Variants in SLC26A2 observed in about 807,000 individuals in gnomAD.
The protein encoded by SLC26A2 is solute carrier family 26 member 2.
SLC26A2 carries 36 observed loss-of-function variants against 41.1 expected under a neutral mutation model. The observed-to-expected ratio is 0.88, with a 90% CI of 0.67 to 1.16. The LOEUF is 1.16. Ranked by LOEUF, SLC26A2 falls within the 50% of genes most tolerant of loss-of-function variation. The pLI is 0.00. For synonymous variants in SLC26A2, 291 were observed against 311.6 expected (o/e 0.93, Z 0.70); for missense variants, 796 against 869.6 (o/e 0.92, Z 1.07).
At chr5:149,977,489 A>G (rs1561818836) in intron 1 of SLC26A2, 139 bp from the exon 2 acceptor site, 1 of 655,128 alleles carries the variant, frequency 1.5e-6, no homozygotes, top group South Asian at 1.8e-5. Context: ...ATGAGGCTCA[A>G]TTAAGGAAAA....
chr5:149,972,333 T>C (rs1158622130), intron 1 of SLC26A2, among the ~76,000 whole-genome samples: 2 of 152,180 alleles, frequency 1.3e-5, no homozygotes, highest in African/African-American at 4.8e-5. Context: ...TGTTTCTGAG[T>C]GAATACATAA....
At position 149,978,143 on chromosome 5, in the gene SLC26A2, T is replaced by C; in HGVS notation, c.491T>C (p.Ile164Thr). 3.7e-6 allele frequency: 6 copies of C among 1,607,304 alleles called. No homozygotes were observed. The highest frequency in any genetic ancestry group is 5.1e-6 in the Non-Finnish European group (6 of 1,175,670). ...ACCTCCCGTCACATCTCTGTGGGCA[T>C]TTTTGGAGTACTGTGCCTTATGATT... ...LGTSRHISVGIFGVLCLMIGE... is the reference protein window; with the variant it reads ...LGTSRHISVGTFGVLCLMIGE... The change falls in exon 2 of 3, where the codon ATT (isoleucine) becomes ACT (threonine). Residue 164 changes from isoleucine to threonine, a missense_variant. Ile to Thr is a moderately conservative substitution (Grantham distance 89). Transcript: ENST00000286298.
intron 1 of SLC26A2, among the ~76,000 whole-genome samples, chr5:149,977,200 A>T (rs2113695072): frequency 1.3e-5 from 2 of 152,360 alleles, no homozygotes; most frequent in South Asian, 4.1e-4. Flanking sequence ...GGCAGGCATT[A>T]AGGTTAAGGT....
chr5:149,964,902 T>G (rs1033685267), intron 1 of SLC26A2, among the ~76,000 whole-genome samples: 2 of 150,300 alleles, frequency 1.3e-5, no homozygotes, highest in African/African-American at 4.8e-5. Context: ...AAATAAAAAT[T>G]TTTTTTAAAT....
chr5:149,962,493 C>T (rs1346061755), intron 1 of SLC26A2, among the ~76,000 whole-genome samples: 2 of 152,032 alleles, frequency 1.3e-5, no homozygotes, highest in African/African-American at 4.8e-5. Flanking sequence ...TGCACGCTGC[C>T]ATACCTGGCT....
chr5:149,970,944 A>C (rs1283725135), intron 1 of SLC26A2, among the ~76,000 whole-genome samples: 1 of 152,194 alleles, frequency 6.6e-6, no homozygotes, highest in Non-Finnish European at 1.5e-5. Flanking sequence ...TTATAGTAGG[A>C]GCTTAAAATA....
In SLC26A2 at chr5:149,981,550, T is replaced by C; in HGVS notation, c.1957T>C (p.Cys653Arg). ...PLELHTIVID[C>R]SAIQFLDTAG... ...GGAGCTGCATACTATAGTGATTGAC[T>C]GCAGTGCAATTCAATTTTTAGATAC... is the stretch of plus-strand genomic sequence containing the variant. The change falls in exon 3 of 3, where the codon TGC (cysteine) becomes CGC (arginine). Residue 653 changes from cysteine to arginine, a missense_variant. Physicochemically the swap from Cys to Arg is radical, Grantham distance 180. Transcript: ENST00000286298. 6.2e-7 allele frequency: 1 copy of C among 1,614,124 alleles called. No homozygotes were observed. Among genetic ancestry groups the C allele is most frequent in the Non-Finnish European group, 8.5e-7 (1 of 1,180,002 alleles).
intron 1 of SLC26A2, among the ~76,000 whole-genome samples, chr5:149,965,633 C>T (rs1471202958): frequency 6.6e-6 from 1 of 150,680 alleles, no homozygotes; most frequent in Non-Finnish European, 1.5e-5. Context: ...GAGATTTTTC[C>T]ATATAAGAGA....
At chr5:149,976,848 C>T (rs1192228450) in intron 1 of SLC26A2, among the ~76,000 whole-genome samples, 2 of 152,186 alleles carry the variant, frequency 1.3e-5, no homozygotes, top group Admixed American at 6.5e-5. Flanking sequence ...GTGAATCTTG[C>T]ATGAATGTAG....
In SLC26A2 at chr5:149,980,532, G is replaced by A; in HGVS notation, c.939G>A (p.Leu313=). The A allele has an allele frequency of 6.2e-7, 1 of 1,614,040 alleles. No homozygotes were observed. The highest frequency in any genetic ancestry group is 8.5e-7 in the Non-Finnish European group (1 of 1,179,982). ...TTATCACCAGCCTTTTGTGCCTTTT[G>A]GTTCTTTTGCCAACCAAAGAACTCA... ...CDLITSLLCL[L]VLLPTKELNE... The change falls in exon 3 of 3, where the codon TTG becomes TTA. Residue 313 remains leucine (L), a synonymous_variant. Coordinates refer to ENST00000286298, the MANE Select transcript of SLC26A2 (RefSeq NM_000112.4).
chr5:149,978,329 C>T lies in SLC26A2; in HGVS notation c.677C>T (p.Thr226Ile). The change falls in exon 2 of 3, where the codon ACC becomes ATC. Residue 226 changes from threonine (T) to isoleucine (I), a missense_variant. Thr to Ile is a moderately conservative substitution (Grantham distance 89). Coordinates refer to ENST00000286298, the MANE Select transcript of SLC26A2 (RefSeq NM_000112.4). ...GCAATTATGGTTGGCAGCACTGTAA[C>T]CTTTATAGCTGGAGTTTATCAGGTA... ...CYAIMVGSTV[T>I]FIAGVYQVAM... 1.9e-6 allele frequency: 3 copies of T among 1,612,780 alleles called. No homozygotes were observed. The South Asian group carries it at 3.3e-5, about 18-fold the overall frequency.
Position 149,978,043 on chromosome 5 carries a change from C to T in SLC26A2, c.391C>T (p.Leu131=). The change falls in exon 2 of 3, where the codon CTG becomes TTG. Residue 131 remains leucine (L), a synonymous_variant. Transcript: ENST00000286298. ...GGTGCCCCAGTCCATTGCTTATTCC[C>T]TGCTGGCTGGCCAAGAACCTGTCTA... The part of the protein sequence containing the change: ...LLVPQSIAYS[L]LAGQEPVYGL... The T allele has an allele frequency of 6.2e-7, 1 of 1,613,582 alleles. No individual in the cohort carries two copies.
rs1307611402 is a variant in SLC26A2 at position 149,985,198 on chromosome 5, G to A, written c.*3385G>A. On this transcript the variant is annotated 3_prime_UTR_variant, in exon 3 of 3. Transcript: ENST00000286298. The stretch of plus-strand genomic sequence containing the variant: ...ATTCACCAAAGCTGAAAGGGCTGAG[G>A]AGCTCATGGTAGCCTGGGCTGACCT... 6.6e-6 allele frequency: 1 copy of A among 152,218 alleles called. No individual in the cohort carries two copies. Among genetic ancestry groups the A allele is most frequent in the African/African-American group, 2.4e-5 (1 of 41,432 alleles). 9.4% of individuals were successfully genotyped at this position (152,218 alleles called of 1,614,324 possible).
chr5:149,971,620 G>A (rs1023713422), intron 1 of SLC26A2, among the ~76,000 whole-genome samples: 7 of 152,100 alleles, frequency 4.6e-5, no homozygotes, highest in East Asian at 3.9e-4. Flanking sequence ...GGCTGATCTC[G>A]AACTCCTGGC....
In SLC26A2 at chr5:149,983,419, T is replaced by G. The variant is rs183809843; in HGVS notation, c.*1606T>G. 1 of 152,280 alleles carries G rather than the reference T, an allele frequency of 6.6e-6. No individual in the cohort carries two copies. The highest frequency in any genetic ancestry group is 1.9e-4 in the East Asian group (1 of 5,174). 9.4% of individuals were successfully genotyped at this position (152,280 alleles called of 1,614,324 possible). A position where few individuals can be genotyped will look rare whatever the true frequency, so the allele number is the denominator to read the frequency against. ...TGTCTTATAGGTGATTATAATCAAG[T>G]GTAGGCTTCCTGAATTTTGACATCC... On this transcript the variant is annotated 3_prime_UTR_variant, in exon 3 of 3. Transcript: ENST00000286298.
Position 149,980,900 on chromosome 5 carries a change from C to G in SLC26A2, c.1307C>G (p.Thr436Ser). 6.2e-7 allele frequency: 1 copy of G among 1,614,154 alleles called. No homozygotes were observed. Among genetic ancestry groups the G allele is most frequent in the African/African-American group, 1.3e-5 (1 of 75,058 alleles). Residue 436 changes from threonine to serine, a missense_variant, in exon 3 of 3, where the codon ACT becomes AGT. Transcript: ENST00000286298. The stretch of plus-strand genomic sequence containing the variant: ...CCTTCCTTCTTCCACTGTTTTACTA[C>G]TAGTGCAGCTCTTGCAAAGACATTG... ...IIPSFFHCFTTSAALAKTLVK... is the reference protein window; with the variant it reads ...IIPSFFHCFTSSAALAKTLVK...
intron 1 of SLC26A2, among the ~76,000 whole-genome samples, chr5:149,970,374 C>G (rs189304138): frequency 1.3e-5 from 2 of 152,106 alleles, no homozygotes; most frequent in East Asian, 3.9e-4. Context: ...AGCCAGGTAT[C>G]GTGGTGTGTA....
rs1224220784 is a variant in SLC26A2 at position 149,980,341 on chromosome 5, G to C, written c.748G>C (p.Asp250His). The change falls in exon 3 of 3, where the codon GAT (aspartate) becomes CAT (histidine). Residue 250 changes from aspartate to histidine, a missense_variant. Transcript: ENST00000286298. ...QVGFVSVYLS[D>H]ALLSGFVTGA... The stretch of plus-strand genomic sequence containing the variant: ...GGGTTTTGTTTCTGTCTACCTCTCA[G>C]ATGCCTTGCTGAGTGGATTTGTCAC... The C allele has an allele frequency of 6.2e-7, 1 of 1,614,028 alleles. No individual in the cohort carries two copies. The highest frequency in any genetic ancestry group is 8.5e-7 in the Non-Finnish European group (1 of 1,180,020).
intron 1 of SLC26A2, among the ~76,000 whole-genome samples, chr5:149,964,950 G>A (rs1754780407): frequency 6.6e-6 from 1 of 152,136 alleles, no homozygotes; most frequent in Non-Finnish European, 1.5e-5. Flanking sequence ...AACTATGCCT[G>A]CAACTTTCAA....
Sources: allele counts gnomAD v4.1 joint callset (sites outside exome capture counted in the v4.1 genomes callset), GRCh38; gene constraint gnomAD v4.1.1; transcripts MANE v1.5; gene names NCBI Gene and HGNC (gene_info 2026-07-23, HGNC 2026-07-21).